The following RPTOR variants were observed in gnomAD, a reference collection of about 807,000 sequenced individuals.
The protein encoded by RPTOR is regulatory-associated protein of mTOR.
A neutral mutation model predicts 169.9 loss-of-function variants in RPTOR; 21 were observed. The ratio of observed to expected loss-of-function variants is 0.12; its 90% CI spans 0.09 to 0.18. The LOEUF is 0.18. Ranked by LOEUF, RPTOR falls within the 10% of genes least tolerant of loss-of-function variation. The pLI is 1.00. For missense variants in RPTOR, 1,133 were observed against 1,855.9 expected (o/e 0.61, Z 7.16); for synonymous variants, 732 against 753.2 (o/e 0.97, Z 0.46).
At chr17:80,627,395 C>T (rs12936076) in intron 2 of RPTOR, among the ~76,000 whole-genome samples, 67,740 of 152,116 alleles carry the variant, frequency 0.45, 15,669 homozygotes, top group African/African-American at 0.56. Context: ...ATATGTACAG[C>T]CATGTAACAA....
Position 80,860,221 on chromosome 17 carries a change from G to C in RPTOR, c.1509+2321G>C, listed in dbSNP as rs902399048. Among the ~76,000 whole-genome samples, 1 of 152,214 alleles carries C rather than the reference G, an allele frequency of 6.6e-6. No individual in the cohort carries two copies. The highest frequency in any genetic ancestry group is 1.9e-4 in the East Asian group (1 of 5,196). On this transcript the variant is annotated intron_variant, in intron 13 of 33. Transcript: ENST00000306801. This position sits in a 1 kb window ranked among gnomAD's most constrained non-coding sequence, Gnocchi z 5.8. ...CATCCTTAGCCCTGTCAGCCATGTC[G>C]CACTGGCCACCAGGACCTGCTGTGC... is the stretch of plus-strand genomic sequence containing the variant.
intron 3 of RPTOR, among the ~76,000 whole-genome samples, chr17:80,657,516 C>T (rs2065689165): frequency 1.3e-5 from 2 of 152,068 alleles, no homozygotes; most frequent in South Asian, 2.1e-4. Context: ...GGCTGTTTCT[C>T]AGTGTGAATA....
intron 3 of RPTOR, among the ~76,000 whole-genome samples, chr17:80,696,237 A>G (rs1047567626): frequency 3.9e-5 from 6 of 152,232 alleles, no homozygotes; most frequent in African/African-American, 1.2e-4. Flanking sequence ...AACCAGCCTT[A>G]CAGTGATAGC....
chr17:80,910,643 C>T (rs964317313), intron 21 of RPTOR, among the ~76,000 whole-genome samples: 3 of 152,200 alleles, frequency 2.0e-5, no homozygotes, highest in East Asian at 1.9e-4. Flanking sequence ...AATGAGCTAT[C>T]GAGTCTCCCC....
chr17:80,840,381 GCTCA>G (rs2067616819), intron 10 of RPTOR, among the ~76,000 whole-genome samples: 1 of 140,430 alleles, frequency 7.1e-6, no homozygotes, highest in Non-Finnish European at 1.5e-5. Context: ...CCACACGGCA[GCTCA>G]CTCTCACTGC....
At chr17:80,718,548 A>G (rs958563219) in intron 4 of RPTOR, among the ~76,000 whole-genome samples, 1 of 152,182 alleles carries the variant, frequency 6.6e-6, no homozygotes, top group Admixed American at 6.5e-5. Context: ...CAGCCCAGCC[A>G]TGGTGGGCAG....
intron 7 of RPTOR, among the ~76,000 whole-genome samples, chr17:80,809,899 T>A (rs1204790820): frequency 6.6e-6 from 1 of 152,012 alleles, no homozygotes; most frequent in Non-Finnish European, 1.5e-5. Context: ...TAGCTGGGTG[T>A]GGTGTCACAC....
At chr17:80,839,624 T>G (rs1462242250) in intron 10 of RPTOR, among the ~76,000 whole-genome samples, 1 of 152,228 alleles carries the variant, frequency 6.6e-6, no homozygotes, top group African/African-American at 2.4e-5. Flanking sequence ...AGACGCCAGC[T>G]GTCCACCCTC....
chr17:80,573,786 C>T (rs1355634387), intron 1 of RPTOR, among the ~76,000 whole-genome samples: 2 of 152,150 alleles, frequency 1.3e-5, no homozygotes, highest in African/African-American at 2.4e-5. Flanking sequence ...GAGTGTCATT[C>T]TAATCATGAG....
intron 21 of RPTOR, among the ~76,000 whole-genome samples, chr17:80,918,663 A>C (rs1248522846): frequency 6.6e-6 from 1 of 152,186 alleles, no homozygotes; most frequent in Non-Finnish European, 1.5e-5. Context: ...GCTTTCAGCC[A>C]GTGACTTCAT....
chr17:80,857,104 C>T (rs994057973), intron 12 of RPTOR, among the ~76,000 whole-genome samples: 2 of 152,218 alleles, frequency 1.3e-5, no homozygotes, highest in African/African-American at 4.8e-5. Flanking sequence ...CAGCAGAAAC[C>T]CCTGGCTGTG....
intron 12 of RPTOR, among the ~76,000 whole-genome samples, chr17:80,856,994 CCCA>C (rs1195040475): frequency 6.6e-5 from 10 of 152,112 alleles, no homozygotes; most frequent in Non-Finnish European, 1.3e-4. Context: ...AGGCCTAGGT[CCCA>C]CCACCACCTC....
In RPTOR at chr17:80,746,039, G is replaced by A. The variant is rs1347747717; in HGVS notation, c.655-7971G>A. Among the ~76,000 whole-genome samples, 1 of 152,096 alleles carries A rather than the reference G, an allele frequency of 6.6e-6. No individual in the cohort carries two copies. The highest frequency in any genetic ancestry group is 1.5e-5 in the Non-Finnish European group (1 of 68,004). The stretch of plus-strand genomic sequence containing the variant: ...TATCCAGACGTGGTGGCGCATACCT[G>A]TAATCCCAGCTACTTGAGAGGCTGA... On this transcript the variant is annotated intron_variant, in intron 5 of 33. Transcript: ENST00000306801. This position sits in a 1 kb window ranked among gnomAD's most constrained non-coding sequence, Gnocchi z 4.5.
chr17:80,759,246 T>C (rs577319881), intron 6 of RPTOR, among the ~76,000 whole-genome samples: 34 of 152,312 alleles, frequency 2.2e-4, no homozygotes, highest in African/African-American at 8.2e-4. Context: ...GGCCTCGTTA[T>C]TTCTAAAATG....
chr17:80,845,637 C>G lies in RPTOR; in HGVS notation c.1213-836C>G, dbSNP rs892640292. Among the ~76,000 whole-genome samples, 1 of 152,124 alleles carries G rather than the reference C, an allele frequency of 6.6e-6. No individual in the cohort carries two copies. The highest frequency in any genetic ancestry group is 1.5e-5 in the Non-Finnish European group (1 of 68,018). Reference sequence around the variant, plus strand: ...AGCCTTTCCCCACCCTCCGTGCCCCCAGCTGGGTCTTTCTCACCAGCGTCC... The same window carrying G: ...AGCCTTTCCCCACCCTCCGTGCCCCGAGCTGGGTCTTTCTCACCAGCGTCC... On this transcript the variant is annotated intron_variant, in intron 10 of 33. Coordinates refer to ENST00000306801, the MANE Select transcript of RPTOR (RefSeq NM_020761.3). This position sits in a 1 kb window ranked among gnomAD's most constrained non-coding sequence, Gnocchi z 5.4.
At chr17:80,911,042 A>G (rs891113667) in intron 21 of RPTOR, among the ~76,000 whole-genome samples, 15 of 152,102 alleles carry the variant, frequency 9.9e-5, no homozygotes, top group Admixed American at 6.5e-4. Context: ...CGTGTTGGCC[A>G]GGATGGTCTC....
chr17:80,835,792 A>C (rs1288150315), intron 9 of RPTOR, among the ~76,000 whole-genome samples: 1 of 152,212 alleles, frequency 6.6e-6, no homozygotes, highest in East Asian at 1.9e-4. Flanking sequence ...CCAAAACCTG[A>C]AAATATCGGA....
At chr17:80,597,017 G>A (rs1348963327) in intron 1 of RPTOR, among the ~76,000 whole-genome samples, 2 of 152,120 alleles carry the variant, frequency 1.3e-5, no homozygotes, top group Admixed American at 1.3e-4. Context: ...GGCAGTATTT[G>A]GTCTGACATG....
At chr17:80,919,807 G>A (rs1457556450) in intron 21 of RPTOR, among the ~76,000 whole-genome samples, 7 of 152,254 alleles carry the variant, frequency 4.6e-5, no homozygotes, top group Non-Finnish European at 1.0e-4. Context: ...GCCCTGTCTT[G>A]TAGCCGGGAC....
Sources: allele counts gnomAD v4.1 joint callset (sites outside exome capture counted in the v4.1 genomes callset), GRCh38; gene constraint gnomAD v4.1.1; non-coding constraint Gnocchi (gnomAD v3.1); transcripts MANE v1.5; gene names NCBI Gene and HGNC (gene_info 2026-07-23, HGNC 2026-07-21).